The following ATG4C variants were observed in gnomAD, a reference collection of about 807,000 sequenced individuals.
ATG4C encodes the protein autophagy related 4C cysteine peptidase, also known as cysteine protease ATG4C.
ATG4C carries 56 observed loss-of-function variants against 57.6 expected under a neutral mutation model. The ratio of observed to expected loss-of-function variants is 0.97; its 90% CI spans 0.78 to 1.21. ATG4C has a LOEUF of 1.21. Among genes scored for constraint, ATG4C ranks in the 50% most tolerant of loss-of-function variants. The pLI is 0.00. For missense variants in ATG4C, 595 were observed against 529.8 expected (o/e 1.12, Z -1.21); for synonymous variants, 157 against 174.1 (o/e 0.90, Z 0.78).
intron 1 of ATG4C, among the ~76,000 whole-genome samples, chr1:62,797,907 C>T (rs1664526088): frequency 6.6e-6 from 1 of 152,184 alleles, no homozygotes; most frequent in South Asian, 2.1e-4. Flanking sequence ...GCAACCTCCA[C>T]CTCCTGGGTT....
intron 3 of ATG4C, among the ~76,000 whole-genome samples, chr1:62,815,805 C>G (rs1488508338): frequency 2.0e-5 from 3 of 152,236 alleles, no homozygotes; most frequent in Admixed American, 2.0e-4. Flanking sequence ...TTGCCTCAGC[C>G]TCTCGAGTAG....
intron 3 of ATG4C, among the ~76,000 whole-genome samples, chr1:62,809,473 A>G (rs936658119): frequency 1.4e-5 from 2 of 147,412 alleles, no homozygotes; most frequent in Admixed American, 6.8e-5. Flanking sequence ...ATATAAATAC[A>G]TATAGACATA....
chr1:62,857,152 G>C (rs543011117), intron 10 of ATG4C, among the ~76,000 whole-genome samples: 3 of 152,124 alleles, frequency 2.0e-5, no homozygotes, highest in Admixed American at 6.5e-5. Context: ...GTACCAGTCT[G>C]TGGCCTGTTA....
At chr1:62,846,421 G>A (rs184483741) in intron 10 of ATG4C, among the ~76,000 whole-genome samples, 2 of 152,248 alleles carry the variant, frequency 1.3e-5, no homozygotes, top group East Asian at 3.9e-4. Flanking sequence ...TTATCTTGAT[G>A]ATCTCATGCA....
chr1:62,791,463 G>A (rs770174606), intron 1 of ATG4C, among the ~76,000 whole-genome samples: 1 of 152,172 alleles, frequency 6.6e-6, no homozygotes, highest in African/African-American at 2.4e-5. Flanking sequence ...GGTAATTTAT[G>A]TAAAAAAGGA....
intron 6 of ATG4C, among the ~76,000 whole-genome samples, chr1:62,826,984 A>G (rs1358048993): frequency 6.6e-6 from 1 of 152,184 alleles, no homozygotes; most frequent in Non-Finnish European, 1.5e-5. Context: ...GAGTAAAATG[A>G]AAGCAAGTTT....
intron 3 of ATG4C, among the ~76,000 whole-genome samples, chr1:62,813,485 C>G (rs946998402): frequency 2.6e-5 from 4 of 152,172 alleles, no homozygotes; most frequent in African/African-American, 9.7e-5. Context: ...AGACCTAAAA[C>G]CATGAAAACC....
intron 10 of ATG4C, among the ~76,000 whole-genome samples, chr1:62,853,173 A>G (rs980074053): frequency 1.3e-5 from 2 of 152,152 alleles, no homozygotes; most frequent in Admixed American, 1.3e-4. Flanking sequence ...CCCTTCTAGC[A>G]TTTAGTGTTG....
At chr1:62,840,907 G>A (rs1024926408) in intron 9 of ATG4C, among the ~76,000 whole-genome samples, 17 of 152,204 alleles carry the variant, frequency 1.1e-4, no homozygotes, top group African/African-American at 4.1e-4. Context: ...AGAATACGCA[G>A]TTATGTACTA....
At chr1:62,840,771 AG>A (rs1050118097) in intron 9 of ATG4C, among the ~76,000 whole-genome samples, 4 of 152,182 alleles carry the variant, frequency 2.6e-5, no homozygotes, top group African/African-American at 9.6e-5. Flanking sequence ...ATTGGAGAAA[AG>A]TGAACTAAAG....
intron 1 of ATG4C, among the ~76,000 whole-genome samples, chr1:62,786,065 C>T (rs796824074): frequency 7.2e-5 from 11 of 152,242 alleles, no homozygotes; most frequent in African/African-American, 2.6e-4. Flanking sequence ...AAAGCATTAG[C>T]GCAGTTATTC....
At chr1:62,800,190 C>T (rs926584328) in intron 1 of ATG4C, among the ~76,000 whole-genome samples, 1 of 152,124 alleles carries the variant, frequency 6.6e-6, no homozygotes, top group Non-Finnish European at 1.5e-5. Flanking sequence ...TCCCTGTGGC[C>T]TTCTTTCTTT....
chr1:62,818,899 C>G (rs555794171), intron 4 of ATG4C, 106 bp from the exon 5 acceptor site: 1 of 871,872 alleles, frequency 1.1e-6, no homozygotes, highest in Admixed American at 3.0e-5. Flanking sequence ...TTTGAATTTA[C>G]TGTCTTAGTA....
intron 10 of ATG4C, among the ~76,000 whole-genome samples, chr1:62,850,852 A>ATGTATG (rs1553230139): frequency 6.3e-5 from 6 of 94,658 alleles, no homozygotes; most frequent in Non-Finnish European, 4.4e-5. Flanking sequence ...GTGTGTATGT[A>ATGTATG]TGTATATATA....
intron 1 of ATG4C, among the ~76,000 whole-genome samples, chr1:62,797,404 G>T (rs1664506883): frequency 6.6e-6 from 1 of 152,028 alleles, no homozygotes; most frequent in Non-Finnish European, 1.5e-5. Flanking sequence ...AATAATTTGA[G>T]AAATAATTAT....
Position 62,787,667 on chromosome 1 carries a change from A to C in ATG4C, c.-69+3394A>C, listed in dbSNP as rs561087418. Among the ~76,000 whole-genome samples the C allele has an allele frequency of 6.6e-5, 10 of 151,818 alleles. No individual in the cohort carries two copies. In the South Asian group the frequency reaches 1.9e-3, roughly 28 times the overall value. On this transcript the variant is annotated intron_variant, in intron 1 of 10. Transcript: ENST00000317868. ...CAGACTGCCTGGATTCATGGTCTCT[A>C]TTTGCTGTATACTAGCAGTATGACC... is the stretch of plus-strand genomic sequence containing the variant.
chr1:62,834,735 GGT>G (rs752490099), intron 8 of ATG4C, 39 bp from the exon 9 acceptor site: 1 of 1,492,076 alleles, frequency 6.7e-7, no homozygotes, highest in Admixed American at 1.7e-5. Context: ...GTAATAATAA[GGT>G]GTTTTTTGAA....
intron 5 of ATG4C, among the ~76,000 whole-genome samples, chr1:62,820,003 ATGT>A (rs1665430861): frequency 1.3e-5 from 2 of 152,040 alleles, no homozygotes; most frequent in South Asian, 4.1e-4. Flanking sequence ...TAAGTATAGC[ATGT>A]TGTGATTTAA....
At chr1:62,845,602 A>G (rs1291352565) in intron 10 of ATG4C, among the ~76,000 whole-genome samples, 1 of 152,202 alleles carries the variant, frequency 6.6e-6, no homozygotes, top group Non-Finnish European at 1.5e-5. Context: ...TTTTGTATCA[A>G]AGAAATCTTT....
Sources: allele counts gnomAD v4.1 joint callset (sites outside exome capture counted in the v4.1 genomes callset), GRCh38; gene constraint gnomAD v4.1.1; transcripts MANE v1.5; gene names NCBI Gene and HGNC (gene_info 2026-07-23, HGNC 2026-07-21).